Variants in WDR25 observed in about 807,000 individuals in gnomAD.
WDR25 encodes WD repeat-containing protein 25.
WDR25 carries 35 observed loss-of-function variants against 47.7 expected under a neutral mutation model. The observed-to-expected ratio is 0.73, with a 90% CI of 0.56 to 0.97. The LOEUF (loss-of-function observed/expected upper bound fraction) is 0.97. WDR25 is among the 50% of genes least tolerant of loss of function. The pLI is 0.00. For missense variants in WDR25, 634 were observed against 704.7 expected (o/e 0.90, Z 1.14); for synonymous variants, 248 against 278.9 (o/e 0.89, Z 1.10).
At chr14:100,405,407 C>T (rs971868873) in intron 2 of WDR25, among the ~76,000 whole-genome samples, 5 of 151,748 alleles carry the variant, frequency 3.3e-5, no homozygotes, top group African/African-American at 4.8e-5. Flanking sequence ...GTGATCCACC[C>T]GCCTCAGCCT....
intron 2 of WDR25, among the ~76,000 whole-genome samples, chr14:100,463,156 T>G (rs1899484697): frequency 6.7e-6 from 1 of 150,260 alleles, no homozygotes; most frequent in Non-Finnish European, 1.5e-5. Context: ...TCTCCCCAAT[T>G]CCTCCATCAC....
At chr14:100,378,782 C>A (rs1896796297) in intron 1 of WDR25, among the ~76,000 whole-genome samples, 1 of 38,564 alleles carries the variant, frequency 2.6e-5, no homozygotes, top group East Asian at 5.1e-4. Flanking sequence ...AACGGTGAAA[C>A]CCCGTCTCTA....
intron 2 of WDR25, among the ~76,000 whole-genome samples, chr14:100,455,895 T>C (rs1248751186): frequency 6.6e-6 from 1 of 152,208 alleles, no homozygotes; most frequent in Non-Finnish European, 1.5e-5. Flanking sequence ...CTCACTCTCC[T>C]AAATATTCCT....
chr14:100,469,700 A>G (rs2140298890), intron 3 of WDR25, among the ~76,000 whole-genome samples: 1 of 152,298 alleles, frequency 6.6e-6, no homozygotes, highest in South Asian at 2.1e-4. Context: ...GGCAGCACTT[A>G]CTACTGAGCA....
intron 2 of WDR25, among the ~76,000 whole-genome samples, chr14:100,397,241 G>A (rs184502986): frequency 6.6e-6 from 1 of 152,298 alleles, no homozygotes; most frequent in Non-Finnish European, 1.5e-5. Flanking sequence ...CTTCTCGGTC[G>A]GAAGAGGATA....
chr14:100,481,405 A>G lies in WDR25; in HGVS notation c.971-2589A>G. On this transcript the variant is annotated intron_variant, in intron 3 of 6. Transcript: ENST00000402312. ...CTAGAAACATTTTTAAGAAGGAGGG[A>G]ATCCCACCTCATCCCATTTTTTAAG... The G allele has an allele frequency of 9.9e-6, 9 of 912,454 alleles. No individual in the cohort carries two copies. In the South Asian group the frequency reaches 1.3e-4, roughly 13 times the overall value. 56.5% of individuals were successfully genotyped at this position (912,454 alleles called of 1,614,324 possible).
chr14:100,519,825 GTATA>G (rs1395764783), intron 4 of WDR25, among the ~76,000 whole-genome samples: 2 of 130,636 alleles, frequency 1.5e-5, no homozygotes, highest in East Asian at 4.2e-4. Context: ...TATACTATAT[GTATA>G]TATAGTATAT....
chr14:100,398,449 CTTAACTT>C (rs529360678), intron 2 of WDR25, among the ~76,000 whole-genome samples: 206 of 152,118 alleles, frequency 1.4e-3, no homozygotes, highest in African/African-American at 4.8e-3. Context: ...AAACAGGAGT[CTTAACTT>C]TTAAACACCC....
Position 100,381,120 on chromosome 14 carries a change from A to T in WDR25, c.196A>T (p.Lys66Ter), listed in dbSNP as rs1239797984. The change falls in exon 2 of 7, where the codon AAG (lysine) becomes TAG (stop). Residue 66 changes from lysine (K) to a stop codon, truncating the protein, a stop_gained. Coordinates refer to ENST00000402312, the MANE Select transcript of WDR25 (RefSeq NM_001161476.3). LOFTEE classifies it high-confidence loss of function. ...DVPKAGAQPT[K>*]HGSCEDPGGY... ...GCCCAAAGCAGGGGCACAGCCCACA[A>T]AGCATGGCTCCTGTGAAGACCCAGG... 3.3e-5 allele frequency: 54 copies of T among 1,614,056 alleles called. No individual in the cohort carries two copies. The Admixed American group carries it at 9.0e-4, about 27-fold the overall frequency.
chr14:100,494,029 C>T (rs765485458), intron 4 of WDR25, among the ~76,000 whole-genome samples: 1 of 152,228 alleles, frequency 6.6e-6, no homozygotes, highest in African/African-American at 2.4e-5. Context: ...TGTATCCATG[C>T]TACTAAACTC....
chr14:100,376,573 C>A (rs1896682936), intron 1 of WDR25, 78 bp downstream of exon 1: 1 of 1,231,882 alleles, frequency 8.1e-7, no homozygotes, highest in Non-Finnish European at 1.0e-6. Flanking sequence ...TGCCGCTTAA[C>A]GCGGTCTCTC....
At chr14:100,390,974 A>T (rs1050594659) in intron 2 of WDR25, among the ~76,000 whole-genome samples, 2 of 152,108 alleles carry the variant, frequency 1.3e-5, no homozygotes, top group Non-Finnish European at 2.9e-5. Context: ...TGTTATCCTG[A>T]TTCTTGTCCA....
intron 2 of WDR25, among the ~76,000 whole-genome samples, chr14:100,459,930 A>AGTTGTTATATTGT (rs1566920375): frequency 1.8e-5 from 2 of 110,270 alleles, no homozygotes; most frequent in East Asian, 4.5e-4. Flanking sequence ...ATATATATAT[A>AGTTGTTATATTGT]TATATATATA....
intron 2 of WDR25, chr14:100,382,279 A>G (rs191921242): frequency 2.1e-5 from 14 of 665,106 alleles, no homozygotes; most frequent in South Asian, 6.5e-5. Context: ...TGGGAGCCCA[A>G]CGGGAGGGTT....
At chr14:100,451,624 G>T (rs1476219488) in intron 2 of WDR25, among the ~76,000 whole-genome samples, 4 of 152,174 alleles carry the variant, frequency 2.6e-5, no homozygotes, top group African/African-American at 9.7e-5. Flanking sequence ...AGAGCCTCAG[G>T]CCTTTAGAGC....
Position 100,498,500 on chromosome 14 carries a change from AC to A in WDR25, c.1101+14377del, listed in dbSNP as rs1285334252. ...CTCACCTCACTCATTTGCTCATTGAACACTGCGGAGCACCTGCTGTTTATAG... is the reference window on the plus strand; with the variant it reads ...CTCACCTCACTCATTTGCTCATTGAAACTGCGGAGCACCTGCTGTTTATAG... On this transcript the variant is annotated intron_variant, in intron 4 of 6. Transcript: ENST00000402312. This position sits in a 1 kb window ranked among gnomAD's most constrained non-coding sequence, Gnocchi z 4.2. Among the ~76,000 whole-genome samples, 2 of 152,178 alleles carry A rather than the reference AC, an allele frequency of 1.3e-5. No individual in the cohort carries two copies. The highest frequency in any genetic ancestry group is 4.8e-5 in the African/African-American group (2 of 41,440).
chr14:100,381,765 C>T lies in WDR25; in HGVS notation c.822+19C>T, dbSNP rs2140138020. 1 of 1,561,802 alleles carries T rather than the reference C, an allele frequency of 6.4e-7. No individual in the cohort carries two copies. The highest frequency in any genetic ancestry group is 2.2e-5 in the East Asian group (1 of 44,448). The stretch of plus-strand genomic sequence containing the variant: ...TTTCAAGGTAAGACTTGAATGAAAA[C>T]TTCTGCTTTCAGATGCTCTTAGGAA... On this transcript the variant is annotated intron_variant, in intron 2 of 6. Coordinates refer to ENST00000402312, the MANE Select transcript of WDR25 (RefSeq NM_001161476.3).
chr14:100,418,568 T>C (rs555159977), intron 2 of WDR25, among the ~76,000 whole-genome samples: 1 of 148,296 alleles, frequency 6.7e-6, no homozygotes, highest in Non-Finnish European at 1.5e-5. Context: ...ACCCGGGAGG[T>C]AGAGGTTGCA....
chr14:100,446,411 CATG>C (rs1898833357), intron 2 of WDR25, among the ~76,000 whole-genome samples: 1 of 151,856 alleles, frequency 6.6e-6, no homozygotes, highest in African/African-American at 2.4e-5. Context: ...ATTAGCCAGG[CATG>C]GTGGTGGGTG....
Sources: gnomAD v4.1 joint callset for allele counts (sites outside exome capture counted in the v4.1 genomes callset) on GRCh38, gnomAD v4.1.1 for gene constraint, Gnocchi (gnomAD v3.1) non-coding constraint, MANE v1.5 for transcripts, NCBI Gene and HGNC (gene_info 2026-07-23, HGNC 2026-07-21) for gene names.